Variants in SPRYD4 observed in about 807,000 individuals in gnomAD.
SPRYD4 encodes the protein SPRY domain-containing protein 4.
A neutral mutation model predicts 16.6 loss-of-function variants in SPRYD4; 12 were observed. The observed-to-expected ratio is 0.72, with a 90% CI of 0.46 to 1.17. The LOEUF is 1.17. Among genes scored for constraint, SPRYD4 ranks in the 50% most tolerant of loss-of-function variants. The pLI, the probability that SPRYD4 is intolerant of heterozygous loss-of-function variation, is 0.00. For missense variants in SPRYD4, 260 were observed against 260.2 expected (o/e 1.00, Z 0.00); for synonymous variants, 98 against 105.4 (o/e 0.93, Z 0.43).
At position 56,469,915 on chromosome 12, in the gene SPRYD4, A is replaced by AT; in HGVS notation, c.*341dup. On this transcript the variant is annotated 3_prime_UTR_variant, in exon 2 of 2. Coordinates refer to ENST00000338146, the MANE Select transcript of SPRYD4 (RefSeq NM_207344.4). ...GGTCTTATCATTCAGCTTTGTTTGA[A>AT]TTTATTAATCACCATGATACCTCTC... The AT allele has an allele frequency of 3.6e-6, 1 of 274,992 alleles. No individual in the cohort carries two copies. The highest frequency in any genetic ancestry group is 7.0e-6 in the Non-Finnish European group (1 of 141,986). The allele number at this position is 274,992 out of a possible 1,614,324, so 17.0% of individuals were successfully genotyped here.
chr12:56,477,862 G>T lies in SPRYD4; in HGVS notation c.*8285G>T, dbSNP rs1869958722. ...CAGGAAGGGCAGAGAAACAAAAAAGGCTGGGAGATGGGGTGGGGATAAGGA... is the reference window on the plus strand; with the variant it reads ...CAGGAAGGGCAGAGAAACAAAAAAGTCTGGGAGATGGGGTGGGGATAAGGA... On this transcript the variant is annotated 3_prime_UTR_variant, in exon 2 of 2. Coordinates refer to ENST00000338146, the MANE Select transcript of SPRYD4 (RefSeq NM_207344.4). 1 of 1,560,478 alleles carries T rather than the reference G, an allele frequency of 6.4e-7. No homozygotes were observed. Among genetic ancestry groups the T allele is most frequent in the Non-Finnish European group, 8.7e-7 (1 of 1,148,336 alleles).
rs767407396 is a variant in SPRYD4 at position 56,469,306 on chromosome 12, A to G, written c.353A>G (p.Asp118Gly). The G allele has an allele frequency of 1.2e-6, 2 of 1,613,938 alleles. No homozygotes were observed. The highest frequency in any genetic ancestry group is 1.7e-5 in the Admixed American group (1 of 59,998). ...DMSRDSCIGV[D>G]DRSWVFTYAQ... is the part of the protein sequence containing the mutation. ...TCCCGGGATAGCTGCATTGGTGTTGATGATCGTTCCTGGGTGTTCACCTAT... is the reference window on the plus strand; with the variant it reads ...TCCCGGGATAGCTGCATTGGTGTTGGTGATCGTTCCTGGGTGTTCACCTAT... Residue 118 changes from aspartate to glycine, a missense_variant, in exon 2 of 2, where the codon GAT becomes GGT. By Grantham distance (94) the Asp-to-Gly change is moderately conservative. Coordinates refer to ENST00000338146, the MANE Select transcript of SPRYD4 (RefSeq NM_207344.4).
chr12:56,475,617 G>T lies in SPRYD4; in HGVS notation c.*6040G>T. 6.2e-7 allele frequency: 1 copy of T among 1,613,920 alleles called. No homozygotes were observed. Among genetic ancestry groups the T allele is most frequent in the South Asian group, 1.1e-5 (1 of 91,072 alleles). ...GCTTTCAGTCAGTCCTCTGAGTAGG[G>T]ACTTACGTGGCATTGCTGAAACCCA... On this transcript the variant is annotated 3_prime_UTR_variant, in exon 2 of 2. Coordinates refer to ENST00000338146, the MANE Select transcript of SPRYD4 (RefSeq NM_207344.4).
Position 56,473,231 on chromosome 12 carries a change from A to C in SPRYD4, c.*3654A>C. The C allele has an allele frequency of 6.2e-7, 1 of 1,613,936 alleles. No individual in the cohort carries two copies. The highest frequency in any genetic ancestry group is 8.5e-7 in the Non-Finnish European group (1 of 1,179,952). On this transcript the variant is annotated 3_prime_UTR_variant, in exon 2 of 2. Coordinates refer to ENST00000338146, the MANE Select transcript of SPRYD4 (RefSeq NM_207344.4). Reference sequence around the variant, plus strand: ...AGCCACCTGGAGTTTTCCTTACCCGAATTTCTGCCCCTTCACGCCGTGGGT... The same window carrying C: ...AGCCACCTGGAGTTTTCCTTACCCGCATTTCTGCCCCTTCACGCCGTGGGT...
At position 56,475,981 on chromosome 12, in the gene SPRYD4, C is replaced by CTT; in HGVS notation, c.*6404_*6405insTT. The CTT allele has an allele frequency of 6.2e-7, 1 of 1,612,870 alleles. No individual in the cohort carries two copies. The highest frequency in any genetic ancestry group is 1.1e-5 in the South Asian group (1 of 91,062). ...TCTCTGCTTTGTTACAGTCCATCTGCAGAGAAAGAGAGAGATGTCAGCATT... is the reference window on the plus strand; with the variant it reads ...TCTCTGCTTTGTTACAGTCCATCTGCTTAGAGAAAGAGAGAGATGTCAGCATT... On this transcript the variant is annotated 3_prime_UTR_variant, in exon 2 of 2. Coordinates refer to ENST00000338146, the MANE Select transcript of SPRYD4 (RefSeq NM_207344.4).
chr12:56,476,223 C>T lies in SPRYD4; in HGVS notation c.*6646C>T. On this transcript the variant is annotated 3_prime_UTR_variant, in exon 2 of 2. Transcript: ENST00000338146. Reference sequence around the variant, plus strand: ...TGTCACCCAGGCTGGAGTGCAGTGGCACGATCATGGCTCACTGCAGCTTTG... The same window carrying T: ...TGTCACCCAGGCTGGAGTGCAGTGGTACGATCATGGCTCACTGCAGCTTTG... 6.3e-6 allele frequency: 3 copies of T among 474,854 alleles called. No individual in the cohort carries two copies. The highest frequency in any genetic ancestry group is 1.1e-5 in the Non-Finnish European group (3 of 261,452). The allele number at this position is 474,854 out of a possible 1,614,324, so 29.4% of individuals were successfully genotyped here.
rs367729188 is a variant in SPRYD4 at position 56,478,104 on chromosome 12, C to A, written c.*8527C>A. 3.2e-5 allele frequency: 52 copies of A among 1,613,822 alleles called. No homozygotes were observed. Among genetic ancestry groups the A allele is most frequent in the Non-Finnish European group, 4.0e-5 (47 of 1,179,876 alleles). On this transcript the variant is annotated 3_prime_UTR_variant, in exon 2 of 2. Coordinates refer to ENST00000338146, the MANE Select transcript of SPRYD4 (RefSeq NM_207344.4). ...GTGTGGCCCACAGAGTGCCTGGAGG[C>A]AGACAGATGCCATGAAAGGGGTTGG...
In SPRYD4 at chr12:56,471,659, A is replaced by G. The variant is rs765572026; in HGVS notation, c.*2082A>G. On this transcript the variant is annotated 3_prime_UTR_variant, in exon 2 of 2. Coordinates refer to ENST00000338146, the MANE Select transcript of SPRYD4 (RefSeq NM_207344.4). Reference sequence around the variant, plus strand: ...GTTGCCCCACCTGAGAGGAATAATGATATGATCAGGCAAAGGAGACGTGGA... The same window carrying G: ...GTTGCCCCACCTGAGAGGAATAATGGTATGATCAGGCAAAGGAGACGTGGA... 1.9e-6 allele frequency: 3 copies of G among 1,613,842 alleles called. No individual in the cohort carries two copies. The Admixed American group carries it at 5.0e-5, about 27-fold the overall frequency.
At position 56,472,332 on chromosome 12, in the gene SPRYD4, A is replaced by G. The variant is rs1458155065; in HGVS notation, c.*2755A>G. The G allele has an allele frequency of 2.7e-6, 2 of 727,432 alleles. No individual in the cohort carries two copies. Among genetic ancestry groups the G allele is most frequent in the South Asian group, 1.7e-5 (1 of 59,228 alleles). The allele number at this position is 727,432 out of a possible 1,614,324, so 45.1% of individuals were successfully genotyped here. On this transcript the variant is annotated 3_prime_UTR_variant, in exon 2 of 2. Transcript: ENST00000338146. ...TAGCCAGATTTGTTGGCTCTGAATA[A>G]TCTTTTTTCCATATCCAGATGAGAC...
In SPRYD4 at chr12:56,469,500, C is replaced by T; in HGVS notation, c.547C>T (p.Pro183Ser). The T allele has an allele frequency of 6.8e-6, 11 of 1,614,110 alleles. No homozygotes were observed. Among genetic ancestry groups the T allele is most frequent in the Non-Finnish European group, 9.3e-6 (11 of 1,180,014 alleles). Residue 183 changes from proline (P) to serine (S), a missense_variant, in exon 2 of 2, where the codon CCA becomes TCA. Coordinates refer to ENST00000338146, the MANE Select transcript of SPRYD4 (RefSeq NM_207344.4). ...CACGCTACAGACAGATTTCCGGGGT[C>T]CAGTGGTGCCTGCCTTTGCTCTCTG... Reference protein sequence around the residue: ...VHTLQTDFRGPVVPAFALWDG... With the variant: ...VHTLQTDFRGSVVPAFALWDG...
Position 56,472,694 on chromosome 12 carries a change from G to T in SPRYD4, c.*3117G>T. ...ATTTGGTCACAGTAGCATTACCTTC[G>T]AAGAGCTGAGACATCGCCACTATAG... is the stretch of plus-strand genomic sequence containing the variant. On this transcript the variant is annotated 3_prime_UTR_variant, in exon 2 of 2. Transcript: ENST00000338146. 6.2e-7 allele frequency: 1 copy of T among 1,613,466 alleles called. No homozygotes were observed.
rs1870027897 is a variant in SPRYD4 at position 56,478,568 on chromosome 12, T to C, written c.*8991T>C. On this transcript the variant is annotated 3_prime_UTR_variant, in exon 2 of 2. Transcript: ENST00000338146. ...TTACCCTATAAATCCCTTTGAAGGCTCTATTCGATCTTGATTCCCTCACCT... is the reference window on the plus strand; with the variant it reads ...TTACCCTATAAATCCCTTTGAAGGCCCTATTCGATCTTGATTCCCTCACCT... 8.6e-6 allele frequency: 3 copies of C among 350,022 alleles called. No individual in the cohort carries two copies. The highest frequency in any genetic ancestry group is 1.1e-5 in the Non-Finnish European group (2 of 188,008). 21.7% of individuals were successfully genotyped at this position (350,022 alleles called of 1,614,324 possible).
Position 56,475,545 on chromosome 12 carries a change from C to A in SPRYD4, c.*5968C>A. 7.0e-7 allele frequency: 1 copy of A among 1,433,824 alleles called. No individual in the cohort carries two copies. The highest frequency in any genetic ancestry group is 9.7e-7 in the Non-Finnish European group (1 of 1,025,962). 88.8% of individuals were successfully genotyped at this position (1,433,824 alleles called of 1,614,324 possible). ...TTCTTCCTCCTAAGATTCTCTCTCC[C>A]CCATTCCTCTTGTCCCCATCCTAAG... On this transcript the variant is annotated 3_prime_UTR_variant, in exon 2 of 2. Coordinates refer to ENST00000338146, the MANE Select transcript of SPRYD4 (RefSeq NM_207344.4).
In SPRYD4 at chr12:56,477,888, G is replaced by A; in HGVS notation, c.*8311G>A. ...CTGGGAGATGGGGTGGGGATAAGGA[G>A]AAGGGGACAGCTGTAAGTACGGTCT... On this transcript the variant is annotated 3_prime_UTR_variant, in exon 2 of 2. Coordinates refer to ENST00000338146, the MANE Select transcript of SPRYD4 (RefSeq NM_207344.4). 1 of 1,589,518 alleles carries A rather than the reference G, an allele frequency of 6.3e-7. No homozygotes were observed. Among genetic ancestry groups the A allele is most frequent in the Non-Finnish European group, 8.6e-7 (1 of 1,166,144 alleles).
In SPRYD4 at chr12:56,476,256, A is replaced by G; in HGVS notation, c.*6679A>G. 1 of 397,710 alleles carries G rather than the reference A, an allele frequency of 2.5e-6. No individual in the cohort carries two copies. The highest frequency in any genetic ancestry group is 4.6e-6 in the Non-Finnish European group (1 of 217,348). The allele number at this position is 397,710 out of a possible 1,614,324, so 24.6% of individuals were successfully genotyped here. ...TGGCTCACTGCAGCTTTGACCTCCC[A>G]GGCTCAAGCGATCCTCCCACTTCAG... On this transcript the variant is annotated 3_prime_UTR_variant, in exon 2 of 2. Coordinates refer to ENST00000338146, the MANE Select transcript of SPRYD4 (RefSeq NM_207344.4).
At position 56,469,376 on chromosome 12, in the gene SPRYD4, A is replaced by C; in HGVS notation, c.423A>C (p.Pro141=). Residue 141 remains proline, a synonymous_variant, in exon 2 of 2, where the codon CCA becomes CCC. Coordinates refer to ENST00000338146, the MANE Select transcript of SPRYD4 (RefSeq NM_207344.4). ...WYTMLANEKA[P]VEGIGQPEKV... ...CCATGTTGGCCAACGAGAAAGCCCC[A>C]GTTGAGGGTATTGGGCAGCCAGAGA... The C allele has an allele frequency of 6.2e-7, 1 of 1,614,138 alleles. No homozygotes were observed. Among genetic ancestry groups the C allele is most frequent in the Middle Eastern group, 1.6e-4 (1 of 6,062 alleles).
In SPRYD4 at chr12:56,471,524, T is replaced by C. The variant is rs1475436715; in HGVS notation, c.*1947T>C. The C allele has an allele frequency of 6.2e-7, 1 of 1,613,990 alleles. No individual in the cohort carries two copies. Among genetic ancestry groups the C allele is most frequent in the Non-Finnish European group, 8.5e-7 (1 of 1,179,982 alleles). ...TTCTAAGTTCTCTTTGGACAGGGCC[T>C]CAGCTGCTGCCTCAGCCTGAGTTTC... is the stretch of plus-strand genomic sequence containing the variant. On this transcript the variant is annotated 3_prime_UTR_variant, in exon 2 of 2. Coordinates refer to ENST00000338146, the MANE Select transcript of SPRYD4 (RefSeq NM_207344.4).
In SPRYD4 at chr12:56,477,637, CAGA is replaced by C. The variant is rs1308547631; in HGVS notation, c.*8063_*8065del. The C allele has an allele frequency of 1.3e-5, 21 of 1,607,672 alleles. No homozygotes were observed. The highest frequency in any genetic ancestry group is 1.7e-5 in the Non-Finnish European group (20 of 1,175,792). On this transcript the variant is annotated 3_prime_UTR_variant, in exon 2 of 2. Transcript: ENST00000338146. ...CAGGAGCTTAGAGGATAATACCTAT[CAGA>C]AGGTTAAGGTGGCACTGACCTTGAT...
At position 56,473,275 on chromosome 12, in the gene SPRYD4, G is replaced by A; in HGVS notation, c.*3698G>A. On this transcript the variant is annotated 3_prime_UTR_variant, in exon 2 of 2. Transcript: ENST00000338146. ...CGTGGGTCTAACTTCCGAGCACAGT[G>A]CCTCAGGTTGTCATAGTTGTGGAAA... is the stretch of plus-strand genomic sequence containing the variant. 6.2e-7 allele frequency: 1 copy of A among 1,614,114 alleles called. No homozygotes were observed. The highest frequency in any genetic ancestry group is 1.1e-5 in the South Asian group (1 of 91,082).
Sources: gnomAD v4.1 joint callset for allele counts on GRCh38, gnomAD v4.1.1 for gene constraint, MANE v1.5 for transcripts, NCBI Gene and HGNC (gene_info 2026-07-23, HGNC 2026-07-21) for gene names.